Variants in KNTC1 observed in about 807,000 individuals in gnomAD.
KNTC1 encodes the protein kinetochore-associated protein 1.
KNTC1 carries 253 observed loss-of-function variants against 314.4 expected under a neutral mutation model. The observed-to-expected ratio is 0.80, with a 90% confidence interval of 0.73 to 0.89. The LOEUF (loss-of-function observed/expected upper bound fraction) is 0.89, where lower values mean the gene tolerates loss of function less well. KNTC1 is among the 40% of genes least tolerant of loss of function. KNTC1 has a pLI of 0.00. For synonymous variants in KNTC1, 901 were observed against 901.4 expected, an observed-to-expected ratio of 1.00 and a Z score of 0.01; for missense variants, 2,475 against 2,572.9, an observed-to-expected ratio of 0.96 and a Z score of 0.82.
chr12:122,532,037 G>GTTT (rs71085818), intron 2 of KNTC1, among the ~76,000 whole-genome samples: 2 of 126,670 alleles, frequency 1.6e-5, no homozygotes, highest in Admixed American at 8.0e-5. Flanking sequence ...CCGGCCATTT[G>GTTT]TTTTTTTTTT....
rs966607295 is a variant in KNTC1, at chr12:122,561,293, T to G, written c.1489-628T>G. Among the ~76,000 whole-genome samples, 25 of 151,534 alleles carry G rather than the reference T, an allele frequency of 1.6e-4. No homozygotes were observed. The Middle Eastern group carries it at 0.01, about 62-fold the overall frequency. ...TTGGGCCACTGCACTCCAACCTGGG[T>G]GACAGAGCAAGACCCTATCTCAAAA... On this transcript the variant is annotated intron_variant, in intron 18 of 63. Coordinates refer to ENST00000333479, the MANE Select transcript of KNTC1 (RefSeq NM_014708.6).
rs559708466 is a variant in KNTC1 at position 122,573,706 on chromosome 12, G to A, written c.2283+421G>A. Among the ~76,000 whole-genome samples, 38 of 152,300 alleles carry A rather than the reference G, an allele frequency of 2.5e-4. No homozygotes were observed. In the South Asian group the frequency reaches 6.4e-3, roughly 26 times the overall value. On this transcript the variant is annotated intron_variant, in intron 26 of 63. Transcript: ENST00000333479. ...GTGGGACAACTTGAAGCAAAGGCAG[G>A]AAGACTCCAAGCGAGAGGGAGCTTC...
In KNTC1 at chr12:122,588,740, C is replaced by T; in HGVS notation, c.3923C>T (p.Ser1308Leu). Residue 1308 changes from serine (S) to leucine (L), a missense_variant, in exon 40 of 64, where the codon TCA (serine) becomes TTA (leucine). Transcript: ENST00000333479. ...TTTGGAGAGACTACATTAGTTAAAT[C>T]AAGGCATGTTGTTATGGAATTGAAA... The part of the protein sequence containing the change: ...KLFGETTLVK[S>L]RHVVMELKEK... 4 of 1,552,712 alleles carry T rather than the reference C, an allele frequency of 2.6e-6. No individual in the cohort carries two copies. Among genetic ancestry groups the T allele is most frequent in the Non-Finnish European group, 2.6e-6 (3 of 1,148,342 alleles).
intron 42 of KNTC1, chr12:122,593,814 C>T: frequency 6.4e-6 from 1 of 155,188 alleles, no homozygotes; most frequent in Non-Finnish European, 1.4e-5. Context: ...CCATGTTGGC[C>T]AAGCTGGTCT....
At chr12:122,559,114 C>T (rs907970595) in intron 18 of KNTC1, among the ~76,000 whole-genome samples, 9 of 151,826 alleles carry the variant, frequency 5.9e-5, no homozygotes, top group Admixed American at 5.9e-4. Context: ...TTTGGGAGGC[C>T]GAGGTGGGCA....
intron 16 of KNTC1, among the ~76,000 whole-genome samples, chr12:122,556,476 A>G (rs1384105259): frequency 1.6e-5 from 2 of 126,004 alleles, no homozygotes; most frequent in Non-Finnish European, 1.6e-5. Flanking sequence ...TCACCATTCT[A>G]CTCTCTACTT....
At chr12:122,605,228 TATACAC>T in intron 50 of KNTC1, 72 bp from the exon 51 acceptor site, 3 of 1,069,350 alleles carry the variant, frequency 2.8e-6, no homozygotes, top group Middle Eastern at 2.6e-4. Context: ...TATGTGCATA[TATACAC>T]ATACACATAT....
intron 40 of KNTC1, 89 bp downstream of exon 40, chr12:122,588,905 C>G: frequency 1.4e-6 from 1 of 728,186 alleles, no homozygotes; most frequent in Non-Finnish European, 2.2e-6. Context: ...GTTTATGATT[C>G]AGTACAGTAG....
At position 122,544,164 on chromosome 12, in the gene KNTC1, A is replaced by G. The variant is rs1371407622; in HGVS notation, c.564A>G (p.Gln188=). 1.6e-5 allele frequency: 24 copies of G among 1,480,586 alleles called. No individual in the cohort carries two copies. Among genetic ancestry groups the G allele is most frequent in the Admixed American group, 2.1e-5 (1 of 46,680 alleles). The allele number at this position is 1,480,586 out of a possible 1,614,324, so 91.7% of individuals were successfully genotyped here. ...NVDFSTAKKL[Q]GQIKSSFIST... ...TGTTGTTTTTAATTTTGCAGTTACA[A>G]GGACAAATCAAGTCCAGTTTTATTT... Residue 188 remains glutamine (Q), a synonymous_variant, in exon 8 of 64, where the codon CAA becomes CAG. Coordinates refer to ENST00000333479, the MANE Select transcript of KNTC1 (RefSeq NM_014708.6).
At position 122,543,723 on chromosome 12, in the gene KNTC1, C is replaced by T. The variant is rs1463248557; in HGVS notation, c.558+89C>T. ...GTTTCTGTATATAATTGGTCTACTTCTTGATATTTTAGAAATTATTATGAT... is the reference window on the plus strand; with the variant it reads ...GTTTCTGTATATAATTGGTCTACTTTTTGATATTTTAGAAATTATTATGAT... On this transcript the variant is annotated intron_variant, in intron 7 of 63. Coordinates refer to ENST00000333479, the MANE Select transcript of KNTC1 (RefSeq NM_014708.6). 1.5e-5 allele frequency: 11 copies of T among 737,990 alleles called. 1 individual carries two copies. The highest frequency in any genetic ancestry group is 2.4e-5 in the Non-Finnish European group (11 of 462,506). The allele number at this position is 737,990 out of a possible 1,614,324, so 45.7% of individuals were successfully genotyped here. A position where few individuals can be genotyped will look rare whatever the true frequency, so the allele number is the denominator to read the frequency against.
chr12:122,606,230 T>A (rs1212629842), intron 51 of KNTC1, among the ~76,000 whole-genome samples: 40 of 148,316 alleles, frequency 2.7e-4, no homozygotes, highest in African/African-American at 9.1e-4. Context: ...TACTTTTTTT[T>A]TTTTTTTTTT....
chr12:122,599,135 T>C (rs1248344485), intron 44 of KNTC1, among the ~76,000 whole-genome samples: 1 of 151,966 alleles, frequency 6.6e-6, no homozygotes, highest in Non-Finnish European at 1.5e-5. Flanking sequence ...TGATTTGTTT[T>C]TTAGTTTTTT....
intron 18 of KNTC1, among the ~76,000 whole-genome samples, chr12:122,559,498 CT>C (rs1295566704): frequency 2.6e-5 from 4 of 152,018 alleles, no homozygotes; most frequent in Admixed American, 6.6e-5. Flanking sequence ...GTTGTTTATA[CT>C]TTTTTCCCCC....
intron 2 of KNTC1, among the ~76,000 whole-genome samples, chr12:122,532,013 T>C (rs1402995093): frequency 6.7e-6 from 1 of 148,874 alleles, no homozygotes; most frequent in Non-Finnish European, 1.5e-5. Flanking sequence ...GATTACAGGC[T>C]TGAGCCACCG....
At chr12:122,528,988 G>A (rs1050958750) in intron 1 of KNTC1, among the ~76,000 whole-genome samples, 1 of 151,962 alleles carries the variant, frequency 6.6e-6, no homozygotes, top group African/African-American at 2.4e-5. Context: ...GATTACAGGC[G>A]CACACCACCA....
intron 10 of KNTC1, among the ~76,000 whole-genome samples, 189 bp downstream of exon 10, chr12:122,546,863 G>A (rs1436089325): frequency 6.2e-5 from 9 of 144,732 alleles, no homozygotes; most frequent in African/African-American, 1.0e-4. Flanking sequence ...ATAGAGTTTC[G>A]CTCTTGTTTC....
At chr12:122,538,130 G>A (rs1402596373) in intron 3 of KNTC1, among the ~76,000 whole-genome samples, 1 of 152,122 alleles carries the variant, frequency 6.6e-6, no homozygotes, top group African/African-American at 2.4e-5. Context: ...AGAGCGAGAC[G>A]CTGTCTCAAA....
chr12:122,557,091 C>T (rs1042832405), intron 16 of KNTC1, among the ~76,000 whole-genome samples: 1 of 151,984 alleles, frequency 6.6e-6, no homozygotes, highest in South Asian at 2.1e-4. Flanking sequence ...TTTATTTATT[C>T]ACTTATCTGT....
At chr12:122,570,542 A>G (rs557553291) in intron 22 of KNTC1, among the ~76,000 whole-genome samples, 25 of 152,028 alleles carry the variant, frequency 1.6e-4, no homozygotes, top group Admixed American at 3.3e-4. Flanking sequence ...AATAAGACAT[A>G]CTATTTGATT....
Sources: gnomAD v4.1 joint callset for allele counts (sites outside exome capture counted in the v4.1 genomes callset) on GRCh38, gnomAD v4.1.1 for gene constraint, MANE v1.5 for transcripts, NCBI Gene and HGNC (gene_info 2026-07-23, HGNC 2026-07-21) for gene names.